The following MCM2 variants were observed in gnomAD, a reference collection of about 807,000 sequenced individuals.
The protein encoded by MCM2 is DNA replication licensing factor MCM2.
Under a neutral mutation model 86.4 loss-of-function variants are expected in MCM2, and 49 were observed. The ratio of observed to expected loss-of-function variants is 0.57; its 90% CI spans 0.45 to 0.72. The LOEUF is 0.72. Ranked by LOEUF, MCM2 falls within the 30% of genes least tolerant of loss-of-function variation. MCM2 has a pLI of 0.00. For missense variants in MCM2, 1,038 were observed against 1,259.9 expected (o/e 0.82, Z 2.67); for synonymous variants, 475 against 484.6 (o/e 0.98, Z 0.26).
Position 127,604,999 on chromosome 3 carries a change from G to A in MCM2, c.516G>A (p.Glu172=). 1 of 1,614,018 alleles carries A rather than the reference G, an allele frequency of 6.2e-7. No individual in the cohort carries two copies. Among genetic ancestry groups the A allele is most frequent in the Non-Finnish European group, 8.5e-7 (1 of 1,179,896 alleles). The change falls in exon 4 of 16, where the codon GAG becomes GAA. Residue 172 remains glutamate, a synonymous_variant. Transcript: ENST00000265056. ...ACGAGGAGATGATCGAGAGCATCGA[G>A]AACCTGGAGGATCTCAAAGGCCACT... ...EEDEEMIESI[E]NLEDLKGHSV...
At chr3:127,604,400 G>A (rs1321481634) in intron 2 of MCM2, 4 of 530,872 alleles carry the variant, frequency 7.5e-6, no homozygotes, top group Non-Finnish European at 1.3e-5. Context: ...CTATTTTAAG[G>A]CTTCATCGTC....
At chr3:127,621,033 T>C in intron 14 of MCM2, 40 bp from the exon 15 acceptor site, 1 of 1,604,822 alleles carries the variant, frequency 6.2e-7, no homozygotes, top group South Asian at 1.1e-5. Flanking sequence ...GTGGCAGGCG[T>C]AGTGGGAGCG....
chr3:127,610,382 G>A (rs917666240), intron 8 of MCM2, among the ~76,000 whole-genome samples: 2 of 152,172 alleles, frequency 1.3e-5, no homozygotes, highest in Non-Finnish European at 2.9e-5. Context: ...GGAATGGATG[G>A]TGGGGTAAGG....
rs148166817 is a variant in MCM2, at chr3:127,599,326, G to A, written c.15G>A (p.Ser5=). The change falls in exon 2 of 16, where the codon TCG becomes TCA. Residue 5 remains serine (S), a synonymous_variant. Coordinates refer to ENST00000265056, the MANE Select transcript of MCM2 (RefSeq NM_004526.4). MAES[S]ESFTMASSPA... is the part of the protein sequence containing the mutation. ...CGCACCTTCTCTTGCAGGAATCATCGGAATCCTTCACCATGGCATCCAGCC... is the reference window on the plus strand; with the variant it reads ...CGCACCTTCTCTTGCAGGAATCATCAGAATCCTTCACCATGGCATCCAGCC... The A allele has an allele frequency of 3.4e-4, 542 of 1,614,060 alleles. 2 individuals carry two copies. Among genetic ancestry groups the A allele is most frequent in the Non-Finnish European group, 4.2e-4 (493 of 1,179,946 alleles).
At chr3:127,619,373 C>A in intron 13 of MCM2, 95 bp downstream of exon 13, 1 of 1,471,024 alleles carries the variant, frequency 6.8e-7, no homozygotes, top group Non-Finnish European at 9.2e-7. Context: ...GTCAGTCAGG[C>A]CAAAAGGTGC....
In MCM2 at chr3:127,605,048, G is replaced by A. The variant is rs2074335789; in HGVS notation, c.565G>A (p.Ala189Thr). ...CTCTGTGCGCGAGTGGGTGAGCATG[G>A]CGGGCCCCCGGCTGGAGATCCACCA... ...GHSVREWVSM[A>T]GPRLEIHHRF... is the part of the protein sequence containing the mutation. Residue 189 changes from alanine (A) to threonine (T), a missense_variant, in exon 4 of 16, where the codon GCG (alanine) becomes ACG (threonine). Ala to Thr is a moderately conservative substitution (Grantham distance 58, BLOSUM62 0). Transcript: ENST00000265056. 2 of 1,613,884 alleles carry A rather than the reference G, an allele frequency of 1.2e-6. No homozygotes were observed. The highest frequency in any genetic ancestry group is 1.7e-6 in the Non-Finnish European group (2 of 1,179,980).
intron 1 of MCM2, 56 bp from the exon 2 acceptor site, chr3:127,599,262 C>G: frequency 6.8e-7 from 1 of 1,460,416 alleles, no homozygotes; most frequent in South Asian, 1.2e-5. Context: ...AAAAAGGAAG[C>G]TGTATCATGC....
chr3:127,615,841 C>G, intron 8 of MCM2, 21 bp from the exon 9 acceptor site: 2 of 1,571,400 alleles, frequency 1.3e-6, no homozygotes, highest in Non-Finnish European at 1.8e-6. Context: ...CCATTCTTGT[C>G]GGTCTCCCTC....
rs1220618352 is a variant in MCM2 at position 127,604,591 on chromosome 3, T to C, written c.237-17T>C. 1.2e-6 allele frequency: 2 copies of C among 1,607,918 alleles called. No individual in the cohort carries two copies. The highest frequency in any genetic ancestry group is 2.2e-5 in the South Asian group (2 of 90,964). On this transcript the variant is annotated splice_polypyrimidine_tract_variant and intron_variant, in intron 2 of 15. Transcript: ENST00000265056. ...TCCTTTTTGGCAGTAACCACATCTG[T>C]TTTGGTGCTCCCTCAGGGACTACCG...
intron 2 of MCM2, among the ~76,000 whole-genome samples, chr3:127,602,866 G>T (rs1476732836): frequency 6.6e-6 from 1 of 152,192 alleles, no homozygotes; most frequent in Non-Finnish European, 1.5e-5. Flanking sequence ...AGCCCTCACG[G>T]GGAGTTGGGT....
rs201710255 is a variant in MCM2, at chr3:127,620,662, T to C, written c.2266-36T>C. On this transcript the variant is annotated intron_variant, in intron 13 of 15. Transcript: ENST00000265056. ...CTTTATTTTCCTTGCTTCTCTTTCC[T>C]GCCCGTGAAAGACCTGACACTGTGC... The C allele has an allele frequency of 1.7e-3, 2,669 of 1,539,240 alleles. 4 individuals carry two copies. The highest frequency in any genetic ancestry group is 2.2e-3 in the Non-Finnish European group (2,500 of 1,138,816).
chr3:127,621,602 C>T, intron 15 of MCM2, 61 bp from the exon 16 acceptor site: 6 of 1,078,960 alleles, frequency 5.6e-6, no homozygotes, highest in South Asian at 2.6e-5. Flanking sequence ...GTAACTGGGG[C>T]GCTCTGGAAA....
In MCM2 at chr3:127,603,146, G is replaced by A. The variant is rs6765850; in HGVS notation, c.237-1462G>A. Among the ~76,000 whole-genome samples, 630 of 149,832 alleles carry A rather than the reference G, an allele frequency of 4.2e-3. 2 individuals carry two copies. Among genetic ancestry groups the A allele is most frequent in the African/African-American group, 0.015 (597 of 40,508 alleles). ...TTCCCAAGTAGCTGGGACTACAGGC[G>A]CCCACCACCGCGCCCAAGTAATTTT... On this transcript the variant is annotated intron_variant, in intron 2 of 15. Coordinates refer to ENST00000265056, the MANE Select transcript of MCM2 (RefSeq NM_004526.4).
intron 15 of MCM2, 67 bp downstream of exon 15, chr3:127,621,295 G>A: frequency 6.4e-7 from 1 of 1,570,328 alleles, no homozygotes; most frequent in South Asian, 1.1e-5. Flanking sequence ...CTCCTGATGG[G>A]GGCTCCATCA....
At chr3:127,604,868 C>T in intron 3 of MCM2, 28 bp from the exon 4 acceptor site, 7 of 1,593,284 alleles carry the variant, frequency 4.4e-6, no homozygotes, top group Non-Finnish European at 5.1e-6. Flanking sequence ...GGGATGACCG[C>T]AGTAGCAGGT....
At position 127,610,615 on chromosome 3, in the gene MCM2, C is replaced by T. The variant is rs1476898473; in HGVS notation, c.1428+1592C>T. ...CTGTTCCTTTCTTTACTCCTTGAGG[C>T]GTGTATTCCAAGTAGGCAGGGTAGT... On this transcript the variant is annotated intron_variant, in intron 8 of 15. Coordinates refer to ENST00000265056, the MANE Select transcript of MCM2 (RefSeq NM_004526.4). 2.6e-5 allele frequency among the ~76,000 whole-genome samples: 4 copies of T among 152,218 alleles called. No homozygotes were observed. In the East Asian group the frequency reaches 7.7e-4, roughly 29 times the overall value.
intron 8 of MCM2, chr3:127,610,700 C>G (rs769846480): frequency 4.5e-6 from 2 of 440,502 alleles, no homozygotes; most frequent in Non-Finnish European, 9.2e-6. Context: ...CCGTGAGAAG[C>G]TGCTGCAGGC....
At position 127,618,227 on chromosome 3, in the gene MCM2, C is replaced by T; in HGVS notation, c.2013+146C>T. ...TAGTCCTGTTCCCTCGGTCTCTTCTCATGTCCAGAAGTCGCCCTGATTTCT... is the reference window on the plus strand; with the variant it reads ...TAGTCCTGTTCCCTCGGTCTCTTCTTATGTCCAGAAGTCGCCCTGATTTCT... On this transcript the variant is annotated intron_variant, in intron 12 of 15. Coordinates refer to ENST00000265056, the MANE Select transcript of MCM2 (RefSeq NM_004526.4). The surrounding 1 kb of genome is among the most constrained non-coding windows in gnomAD (Gnocchi z 4.0). The T allele has an allele frequency of 1.5e-6, 1 of 671,174 alleles. No individual in the cohort carries two copies. The highest frequency in any genetic ancestry group is 2.8e-5 in the East Asian group (1 of 35,814). The allele number at this position is 671,174 out of a possible 1,614,324, so 41.6% of individuals were successfully genotyped here.
Position 127,620,599 on chromosome 3 carries a change from A to G in MCM2, c.2266-99A>G, listed in dbSNP as rs1399394616. 4 of 1,259,698 alleles carry G rather than the reference A, an allele frequency of 3.2e-6. No individual in the cohort carries two copies. In the African/African-American group the frequency reaches 4.5e-5, roughly 14 times the overall value. The allele number at this position is 1,259,698 out of a possible 1,614,324, so 78.0% of individuals were successfully genotyped here. A position where few individuals can be genotyped will look rare whatever the true frequency, so the allele number is the denominator to read the frequency against. On this transcript the variant is annotated intron_variant, in intron 13 of 15. Transcript: ENST00000265056. ...TGCATTTCTGCTGGGGCACTGTCAG[A>G]TGGGTCTTCTTGGCTCTGGGTGCTA...
Sources: gnomAD v4.1 joint callset for allele counts (sites outside exome capture counted in the v4.1 genomes callset) on GRCh38, gnomAD v4.1.1 for gene constraint, Gnocchi (gnomAD v3.1) non-coding constraint, MANE v1.5 for transcripts, NCBI Gene and HGNC (gene_info 2026-07-23, HGNC 2026-07-21) for gene names.